PRKD1: variants seen among roughly 807,000 people sequenced by gnomAD.
The protein encoded by PRKD1 is serine/threonine-protein kinase D1.
A neutral mutation model predicts 95.9 loss-of-function variants in PRKD1; 63 were observed. That is an observed-to-expected ratio of 0.66 (90% CI 0.54 to 0.81). PRKD1 has a LOEUF of 0.81. Among genes scored for constraint, PRKD1 ranks in the 30% least tolerant of loss-of-function variants. PRKD1 has a pLI of 0.00. For synonymous variants in PRKD1, 425 were observed against 423.1 expected (o/e 1.00, Z -0.05); for missense variants, 1,048 against 1,165.3 (o/e 0.90, Z 1.47).
intron 1 of PRKD1, among the ~76,000 whole-genome samples, chr14:29,917,877 A>C (rs1159776167): frequency 6.6e-6 from 1 of 152,198 alleles, no homozygotes; most frequent in Non-Finnish European, 1.5e-5. Flanking sequence ...TGAACTGAAG[A>C]GTATGATTAT....
chr14:29,595,904 T>C (rs1041290246), intron 16 of PRKD1, among the ~76,000 whole-genome samples: 4 of 152,258 alleles, frequency 2.6e-5, no homozygotes, highest in African/African-American at 4.8e-5. Context: ...AGATGTAATG[T>C]TTCCTAACAA....
chr14:29,731,811 G>A (rs1225934454), intron 1 of PRKD1, among the ~76,000 whole-genome samples: 4 of 149,908 alleles, frequency 2.7e-5, no homozygotes. Flanking sequence ...TTATAAAGTT[G>A]TTGTACACAC....
chr14:29,767,575 T>C (rs571597370), intron 1 of PRKD1, among the ~76,000 whole-genome samples: 22 of 152,328 alleles, frequency 1.4e-4, no homozygotes, highest in African/African-American at 3.8e-4. Context: ...GACATGGTTT[T>C]AGGATCCATC....
intron 1 of PRKD1, among the ~76,000 whole-genome samples, chr14:29,893,046 T>C (rs17096115): frequency 0.034 from 5,157 of 152,308 alleles, 308 homozygotes; most frequent in African/African-American, 0.11. Context: ...GACTTTCTTC[T>C]GAAATGGCTA....
At chr14:29,688,309 T>C (rs760999223) in intron 2 of PRKD1, among the ~76,000 whole-genome samples, 1 of 152,126 alleles carries the variant, frequency 6.6e-6, no homozygotes, top group Non-Finnish European at 1.5e-5. Flanking sequence ...TTAATCACAT[T>C]TGCAACCTTA....
intron 1 of PRKD1, among the ~76,000 whole-genome samples, chr14:29,844,037 G>A (rs28670298): frequency 0.11 from 17,151 of 152,150 alleles, 1,092 homozygotes; most frequent in East Asian, 0.25. Flanking sequence ...GATAAAGAAG[G>A]TCAAGCTTAG....
intron 1 of PRKD1, among the ~76,000 whole-genome samples, chr14:29,872,375 T>C (rs1893138326): frequency 6.6e-6 from 1 of 152,070 alleles, no homozygotes. Flanking sequence ...TCACTTAAAA[T>C]CTCCACACCA....
intron 2 of PRKD1, among the ~76,000 whole-genome samples, chr14:29,697,956 A>T (rs1884622818): frequency 6.6e-6 from 1 of 152,190 alleles, no homozygotes; most frequent in South Asian, 2.1e-4. Context: ...GCATTTCTAA[A>T]GTAACTTGAG....
intron 1 of PRKD1, among the ~76,000 whole-genome samples, chr14:29,913,101 GTTGTC>G: frequency 6.6e-6 from 1 of 152,188 alleles, no homozygotes; most frequent in African/African-American, 2.4e-5. Flanking sequence ...CTAAATGTTA[GTTGTC>G]TTTTCATTTT....
chr14:29,760,418 C>T (rs926621118), intron 1 of PRKD1, among the ~76,000 whole-genome samples: 1 of 147,422 alleles, frequency 6.8e-6, no homozygotes, highest in Non-Finnish European at 1.5e-5. Context: ...TGCAGTGGCA[C>T]GATCTGGGCT....
At chr14:29,694,408 C>T (rs1884402635) in intron 2 of PRKD1, among the ~76,000 whole-genome samples, 1 of 152,112 alleles carries the variant, frequency 6.6e-6, no homozygotes, top group Non-Finnish European at 1.5e-5. Context: ...GCTTAATATG[C>T]CACAAGTGAA....
chr14:29,657,055 G>C, intron 4 of PRKD1, among the ~76,000 whole-genome samples: 1 of 152,126 alleles, frequency 6.6e-6, no homozygotes, highest in East Asian at 1.9e-4. Context: ...GAGTTTTAAG[G>C]AGAAAAACAT....
intron 1 of PRKD1, among the ~76,000 whole-genome samples, chr14:29,815,771 A>G (rs1460424289): frequency 1.3e-5 from 2 of 152,238 alleles, no homozygotes; most frequent in African/African-American, 4.8e-5. Context: ...TTTATTTTCC[A>G]GTAAACTACA....
chr14:29,925,490 G>C (rs1388622642), intron 1 of PRKD1, among the ~76,000 whole-genome samples: 1 of 152,068 alleles, frequency 6.6e-6, no homozygotes, highest in South Asian at 2.1e-4. Flanking sequence ...GGTGCTTGCT[G>C]TCCCTCTCCC....
chr14:29,607,491 G>A (rs2139036806), intron 13 of PRKD1, among the ~76,000 whole-genome samples: 1 of 152,330 alleles, frequency 6.6e-6, no homozygotes, highest in South Asian at 2.1e-4. Flanking sequence ...CACTCAGGTT[G>A]TTGACAGAAT....
intron 1 of PRKD1, among the ~76,000 whole-genome samples, chr14:29,918,977 T>G (rs1332531696): frequency 6.6e-6 from 1 of 152,214 alleles, no homozygotes; most frequent in Non-Finnish European, 1.5e-5. Context: ...TCAACTGTTT[T>G]ATAATATATG....
intron 1 of PRKD1, among the ~76,000 whole-genome samples, chr14:29,735,889 AG>A (rs2139421649): frequency 6.6e-6 from 1 of 152,328 alleles, no homozygotes; most frequent in African/African-American, 2.4e-5. Flanking sequence ...TTTCTTTATA[AG>A]GGTGGCTGAG....
chr14:29,893,478 C>T (rs934035427), intron 1 of PRKD1, among the ~76,000 whole-genome samples: 2 of 151,942 alleles, frequency 1.3e-5, no homozygotes, highest in Non-Finnish European at 2.9e-5. Context: ...GGCCAAAGCT[C>T]TTCCTACCTT....
intron 13 of PRKD1, among the ~76,000 whole-genome samples, chr14:29,611,258 T>C (rs560507093): frequency 6.6e-6 from 1 of 152,290 alleles, no homozygotes; most frequent in South Asian, 2.1e-4. Flanking sequence ...AAGGTGTATA[T>C]GGGAAATCAC....
Sources: gnomAD v4.1 joint callset for allele counts (sites outside exome capture counted in the v4.1 genomes callset) on GRCh38, gnomAD v4.1.1 for gene constraint, MANE v1.5 for transcripts, NCBI Gene and HGNC (gene_info 2026-07-23, HGNC 2026-07-21) for gene names.